The following STPG2 variants were observed in gnomAD, a reference collection of about 807,000 sequenced individuals.
STPG2 encodes sperm-tail PG-rich repeat-containing protein 2.
In STPG2, 56 loss-of-function variants were observed where a neutral mutation model predicts 54.2. The ratio of observed to expected loss-of-function variants is 1.03; its 90% CI spans 0.83 to 1.29. The LOEUF is 1.29. STPG2 is among the 50% of genes most tolerant of loss of function. The pLI is 0.00. For synonymous variants in STPG2, 200 were observed against 181.8 expected, an observed-to-expected ratio of 1.10 and a Z score of -0.81; for missense variants, 596 against 544.9, an observed-to-expected ratio of 1.09 and a Z score of -0.93.
At chr4:97,607,709 T>A (rs961282958) in intron 10 of STPG2, among the ~76,000 whole-genome samples, 2 of 152,020 alleles carry the variant, frequency 1.3e-5, no homozygotes, top group African/African-American at 4.8e-5. Flanking sequence ...AAATCAAATA[T>A]GTGTCAGAAG....
At chr4:97,518,654 C>A (rs1288172553) in intron 4 of STPG2, among the ~76,000 whole-genome samples, 3 of 152,062 alleles carry the variant, frequency 2.0e-5, no homozygotes, top group Non-Finnish European at 4.4e-5. Flanking sequence ...TTCAGGGCGA[C>A]AAAAATTGGC....
chr4:97,706,547 T>C (rs1472322205), intron 10 of STPG2, among the ~76,000 whole-genome samples: 1 of 152,170 alleles, frequency 6.6e-6, no homozygotes, highest in South Asian at 2.1e-4. Flanking sequence ...GAAATAAATT[T>C]TTGTTGTTTA....
chr4:97,909,988 C>G (rs891314695), intron 8 of STPG2, among the ~76,000 whole-genome samples: 1 of 152,060 alleles, frequency 6.6e-6, no homozygotes, highest in African/African-American at 2.4e-5. Context: ...AGTCACTTTC[C>G]ATAGATTATA....
At chr4:97,928,767 T>C (rs1037660586) in intron 8 of STPG2, among the ~76,000 whole-genome samples, 1 of 152,222 alleles carries the variant, frequency 6.6e-6, no homozygotes, top group Non-Finnish European at 1.5e-5. Context: ...ATGGAACATA[T>C]ACTATCTCCC....
chr4:97,974,034 A>T (rs768330364), intron 6 of STPG2, among the ~76,000 whole-genome samples: 1 of 152,208 alleles, frequency 6.6e-6, no homozygotes, highest in African/African-American at 2.4e-5. Flanking sequence ...ACACCAGCCC[A>T]TGAAAGCATC....
chr4:98,132,253 A>G (rs1434545616), intron 2 of STPG2, among the ~76,000 whole-genome samples: 1 of 152,076 alleles, frequency 6.6e-6, no homozygotes. Flanking sequence ...TGCTAGGAGC[A>G]AAAAATGAAG....
intron 3 of STPG2, among the ~76,000 whole-genome samples, chr4:98,115,327 T>G (rs960009925): frequency 1.3e-5 from 2 of 152,002 alleles, no homozygotes; most frequent in African/African-American, 4.8e-5. Flanking sequence ...GTATCATCAT[T>G]CCAATCACAA....
intron 4 of STPG2, among the ~76,000 whole-genome samples, chr4:97,511,002 G>A (rs1560638259): frequency 6.6e-6 from 1 of 151,500 alleles, no homozygotes; most frequent in East Asian, 1.9e-4. Flanking sequence ...GAGAAAAACT[G>A]GAATAAAAAT....
intron 4 of STPG2, among the ~76,000 whole-genome samples, chr4:97,518,617 T>G (rs1424712631): frequency 6.6e-6 from 1 of 152,130 alleles, no homozygotes; most frequent in African/African-American, 2.4e-5. Flanking sequence ...AAATACTGTA[T>G]TAATGTAAAT....
intron 9 of STPG2, among the ~76,000 whole-genome samples, chr4:97,722,640 T>C (rs1408286191): frequency 2.0e-5 from 3 of 152,148 alleles, no homozygotes; most frequent in Non-Finnish European, 2.9e-5. Context: ...TGAGTCTTTC[T>C]GGAATAAGTT....
intron 8 of STPG2, among the ~76,000 whole-genome samples, chr4:97,887,855 C>T (rs940644517): frequency 6.6e-6 from 1 of 152,192 alleles, no homozygotes; most frequent in Non-Finnish European, 1.5e-5. Flanking sequence ...GTTTTGTGAG[C>T]CAGGCCCAAG....
rs562381427 is a variant in STPG2 at position 97,979,305 on chromosome 4, C to T, written c.772+1854G>A. ...GAGCCTAAAAGGCAGAACAAACAAC[C>T]ACAGAAAATCATTCCCCCCAGAGAG... On this transcript the variant is annotated intron_variant, in intron 6 of 10. Coordinates refer to ENST00000295268, the MANE Select transcript of STPG2 (RefSeq NM_174952.3). Among the ~76,000 whole-genome samples the T allele has an allele frequency of 9.9e-5, 15 of 152,156 alleles. No homozygotes were observed. The South Asian group carries it at 2.7e-3, about 27-fold the overall frequency.
chr4:97,546,052 A>G (rs1259565234), intron 4 of STPG2, among the ~76,000 whole-genome samples: 2 of 152,148 alleles, frequency 1.3e-5, no homozygotes, highest in Non-Finnish European at 2.9e-5. Context: ...TAAATATAAT[A>G]CTAAGGTGGT....
chr4:98,056,006 C>A (rs949545287), intron 5 of STPG2, among the ~76,000 whole-genome samples: 1 of 152,150 alleles, frequency 6.6e-6, no homozygotes, highest in African/African-American at 2.4e-5. Flanking sequence ...AGCTTTCCCC[C>A]AGAGCCCATG....
At chr4:97,903,016 A>T (rs892941932) in intron 8 of STPG2, among the ~76,000 whole-genome samples, 1 of 152,198 alleles carries the variant, frequency 6.6e-6, no homozygotes, top group Non-Finnish European at 1.5e-5. Flanking sequence ...AGTCTTAAAA[A>T]GTCAAACTCA....
chr4:97,709,216 G>GT (rs917030517), intron 10 of STPG2, among the ~76,000 whole-genome samples: 14 of 151,162 alleles, frequency 9.3e-5, no homozygotes, highest in Non-Finnish European at 1.0e-4. Context: ...CCAAATAAGT[G>GT]TTTTTTTTAA....
intron 4 of STPG2, among the ~76,000 whole-genome samples, chr4:97,546,259 C>T (rs927878012): frequency 6.6e-6 from 1 of 151,226 alleles, no homozygotes; most frequent in Non-Finnish European, 1.5e-5. Context: ...ATGACAAAAC[C>T]AATTGAGCAC....
intron 4 of STPG2, among the ~76,000 whole-genome samples, chr4:97,467,414 T>C (rs1369454751): frequency 6.6e-6 from 1 of 151,838 alleles, no homozygotes; most frequent in Non-Finnish European, 1.5e-5. Context: ...CCAAGCATCA[T>C]CATTCAATAC....
intron 10 of STPG2, among the ~76,000 whole-genome samples, chr4:97,712,015 A>T (rs1271881684): frequency 6.6e-6 from 1 of 152,130 alleles, no homozygotes; most frequent in Non-Finnish European, 1.5e-5. Context: ...TATTTAATAT[A>T]AATAAACTTG....
Sources: allele counts gnomAD v4.1 joint callset (sites outside exome capture counted in the v4.1 genomes callset), GRCh38; gene constraint gnomAD v4.1.1; transcripts MANE v1.5; gene names NCBI Gene and HGNC (gene_info 2026-07-23, HGNC 2026-07-21).